The following AMMECR1 variants were observed in gnomAD, a reference collection of about 807,000 sequenced individuals.
AMMECR1 encodes AMMECR nuclear protein 1.
AMMECR1 carries 3 observed loss-of-function variants against 22.5 expected under a neutral mutation model. The ratio of observed to expected loss-of-function variants is 0.13; its 90% CI spans 0.06 to 0.35. AMMECR1 has a LOEUF of 0.35. Among genes scored for constraint, AMMECR1 ranks in the 10% least tolerant of loss-of-function variants. The pLI is 1.00. For missense variants in AMMECR1, 235 were observed against 278.7 expected, an observed-to-expected ratio of 0.84 and a Z score of 1.12; for synonymous variants, 130 against 116.7, an observed-to-expected ratio of 1.11 and a Z score of -0.74.
chrX:110,378,008 C>CAA (rs755483656), intron 2 of AMMECR1, among the ~76,000 whole-genome samples: 187 of 29,827 alleles, frequency 6.3e-3, no homozygotes, highest in Middle Eastern at 0.015. Flanking sequence ...GACTCCGTCT[C>CAA]AAAAAAAAAA....
intron 1 of AMMECR1, among the ~76,000 whole-genome samples, chrX:110,299,929 C>T (rs1292711674): frequency 8.9e-6 from 1 of 112,031 alleles, no homozygotes; most frequent in Non-Finnish European, 1.9e-5. Flanking sequence ...TATCCACTTT[C>T]TGTCAATGGA....
chrX:110,318,140 A>C, upstream of AMMECR1: 1 of 995,909 alleles, frequency 1.0e-6, no homozygotes, highest in Non-Finnish European at 1.3e-6. Flanking sequence ...GGGGGCGAGC[A>C]CGCTGCGGCT....
At chrX:110,418,106 C>A (rs1260328838) in intron 2 of AMMECR1, among the ~76,000 whole-genome samples, 1 of 112,558 alleles carries the variant, frequency 8.9e-6, no homozygotes, top group Admixed American at 9.3e-5. Flanking sequence ...GCAAAGAACC[C>A]AAAGAGATGA....
At chrX:110,372,771 A>G (rs1276380349) in intron 2 of AMMECR1, among the ~76,000 whole-genome samples, 1 of 111,818 alleles carries the variant, frequency 8.9e-6, no homozygotes, top group African/African-American at 3.2e-5. Context: ...CAGATTCCAG[A>G]GACAAGAGAA....
chrX:110,344,204 T>C (rs1474055685), intron 2 of AMMECR1, among the ~76,000 whole-genome samples: 2 of 111,791 alleles, frequency 1.8e-5, no homozygotes, highest in Non-Finnish European at 3.8e-5. Context: ...TCCACAACCA[T>C]CTGGTCTTTG....
intron 2 of AMMECR1, among the ~76,000 whole-genome samples, chrX:110,385,448 T>C (rs1372092673): frequency 9.0e-6 from 1 of 111,605 alleles, no homozygotes; most frequent in Non-Finnish European, 1.9e-5. Context: ...CACAATCTAA[T>C]TTTTAGAAAA....
chrX:110,306,379 G>C (rs1462452220), intron 1 of AMMECR1, among the ~76,000 whole-genome samples: 5 of 112,308 alleles, frequency 4.5e-5, no homozygotes, highest in Non-Finnish European at 7.5e-5. Flanking sequence ...TTTTCAATAG[G>C]TTTGGAAAAA....
At chrX:110,352,703 T>C (rs1236900209) in intron 2 of AMMECR1, among the ~76,000 whole-genome samples, 1 of 112,091 alleles carries the variant, frequency 8.9e-6, no homozygotes, top group Non-Finnish European at 1.9e-5. Flanking sequence ...AGAGAGTATA[T>C]GGTATGTGAA....
At chrX:110,231,114 T>C (rs1196000349) in intron 2 of AMMECR1, among the ~76,000 whole-genome samples, 2 of 112,025 alleles carry the variant, frequency 1.8e-5, no homozygotes, top group African/African-American at 6.5e-5. Flanking sequence ...TTCAGGATAT[T>C]ATCCAGGAGA....
Position 110,290,213 on chromosome X carries a change from T to C in AMMECR1, c.474-25614A>G, listed in dbSNP as rs1338074559. On this transcript the variant is annotated intron_variant, in intron 1 of 5. Coordinates refer to ENST00000262844, the MANE Select transcript of AMMECR1 (RefSeq NM_015365.3). ...TAATGAAAAAATATTTATGTGTTGC[T>C]AGCAAAGCAATTCTCACTTGATGAT... Among the ~76,000 whole-genome samples the C allele has an allele frequency of 3.6e-5, 4 of 111,986 alleles. No individual in the cohort carries two copies. In the South Asian group the frequency reaches 1.1e-3, roughly 31 times the overall value.
intron 2 of AMMECR1, among the ~76,000 whole-genome samples, chrX:110,233,234 G>C (rs968423460): frequency 1.8e-5 from 2 of 111,898 alleles, no homozygotes; most frequent in African/African-American, 6.5e-5. Flanking sequence ...AAATCTAGAA[G>C]AAATGGATAA....
rs895804736 is a variant in AMMECR1, at chrX:110,237,198, C to T, written c.585-20566G>A. 3.6e-5 allele frequency among the ~76,000 whole-genome samples: 4 copies of T among 111,560 alleles called. No individual in the cohort carries two copies. The South Asian group carries it at 1.5e-3, about 42-fold the overall frequency. On this transcript the variant is annotated intron_variant, in intron 2 of 5. Transcript: ENST00000262844. Reference sequence around the variant, plus strand: ...ATGAACTGGATGAATCACAGGACATCAAGGGCAGGCATAGAAAAAAGAAAC... The same window carrying T: ...ATGAACTGGATGAATCACAGGACATTAAGGGCAGGCATAGAAAAAAGAAAC...
At chrX:110,377,041 G>T (rs2068381713) in intron 2 of AMMECR1, among the ~76,000 whole-genome samples, 1 of 111,754 alleles carries the variant, frequency 8.9e-6, no homozygotes, top group Non-Finnish European at 1.9e-5. Context: ...GGCAGTGGGT[G>T]AAAGTGGAGT....
In AMMECR1 at chrX:110,318,018, G is replaced by T; in HGVS notation, c.54C>A (p.Pro18=). 8.3e-7 allele frequency: 1 copy of T among 1,206,398 alleles called. No individual in the cohort carries two copies. Residue 18 remains proline, a synonymous_variant, in exon 1 of 6, where the codon CCC becomes CCA. Transcript: ENST00000262844. Reference sequence around the variant, plus strand: ...CGCCACCACCGCCACCCGAGCCAGAGGGGGGCGAACTGGACAGTTTCTGCT... The same window carrying T: ...CGCCACCACCGCCACCCGAGCCAGATGGGGGCGAACTGGACAGTTTCTGCT... ...VKKQKLSSSP[P]SGSGGGGGAS... is the part of the protein sequence containing the mutation.
At chrX:110,240,676 A>C (rs1221977548) in intron 2 of AMMECR1, among the ~76,000 whole-genome samples, 2 of 111,229 alleles carry the variant, frequency 1.8e-5, no homozygotes, top group African/African-American at 6.5e-5. Flanking sequence ...ACAAGACAGA[A>C]AATTAACAGA....
At chrX:110,257,334 CTT>C (rs2067716027) in intron 2 of AMMECR1, among the ~76,000 whole-genome samples, 1 of 111,919 alleles carries the variant, frequency 8.9e-6, no homozygotes, top group South Asian at 3.7e-4. Context: ...TAAACTATAA[CTT>C]TTAATTTTCT....
chrX:110,208,387 G>A (rs1392672908), intron 3 of AMMECR1, among the ~76,000 whole-genome samples: 3 of 112,047 alleles, frequency 2.7e-5, no homozygotes, highest in Non-Finnish European at 5.6e-5. Context: ...AGGTCCCCTT[G>A]ACCAAAATAC....
chrX:110,411,204 C>A (rs2068639645), intron 2 of AMMECR1, among the ~76,000 whole-genome samples: 1 of 111,831 alleles, frequency 8.9e-6, no homozygotes, highest in African/African-American at 3.3e-5. Context: ...TTCAAGTGCA[C>A]CAGAGAATGG....
At chrX:110,344,589 C>T (rs7883199) in intron 2 of AMMECR1, among the ~76,000 whole-genome samples, 9,346 of 110,187 alleles carry the variant, frequency 0.085, 1,124 homozygotes, top group African/African-American at 0.3. Flanking sequence ...TTTTGCAATC[C>T]ACCCATCTGA....
Sources: allele counts gnomAD v4.1 joint callset (sites outside exome capture counted in the v4.1 genomes callset), GRCh38; gene constraint gnomAD v4.1.1; transcripts MANE v1.5; gene names NCBI Gene and HGNC (gene_info 2026-07-23, HGNC 2026-07-21).